UBA2: variants seen among roughly 807,000 people sequenced by gnomAD.
UBA2 encodes the protein ubiquitin like modifier activating enzyme 2.
A neutral mutation model predicts 77.2 loss-of-function variants in UBA2; 11 were observed. That is an observed-to-expected ratio of 0.14 (90% CI 0.09 to 0.24). The LOEUF is 0.24. Ranked by LOEUF, UBA2 falls within the 10% of genes least tolerant of loss-of-function variation. UBA2 has a pLI of 1.00. For missense variants in UBA2, 487 were observed against 781.7 expected, an observed-to-expected ratio of 0.62 and a Z score of 4.50; for synonymous variants, 278 against 276.7, an observed-to-expected ratio of 1.00 and a Z score of -0.05.
At chr19:34,428,753 A>C (rs1328178397) in intron 1 of UBA2, 183 bp downstream of exon 1, 4 of 1,125,198 alleles carry the variant, frequency 3.6e-6, no homozygotes, top group African/African-American at 3.2e-5. Context: ...TTCTTTGGGC[A>C]CGGGGCGGGC....
At chr19:34,437,881 C>T (rs1025990905) in intron 5 of UBA2, among the ~76,000 whole-genome samples, 2 of 151,936 alleles carry the variant, frequency 1.3e-5, no homozygotes, top group Admixed American at 6.6e-5. Context: ...ATGGAAAAAC[C>T]CCGTCTCTAC....
intron 12 of UBA2, among the ~76,000 whole-genome samples, chr19:34,457,912 A>G (rs2145555697): frequency 6.6e-6 from 1 of 152,330 alleles, no homozygotes; most frequent in South Asian, 2.1e-4. Context: ...GTATTAGAGA[A>G]ATGGTAAATA....
intron 8 of UBA2, among the ~76,000 whole-genome samples, chr19:34,449,741 T>C (rs751456545): frequency 1.3e-5 from 2 of 152,174 alleles, no homozygotes; most frequent in Non-Finnish European, 1.5e-5. Context: ...TTCTGTGGGT[T>C]ATTTTTGGAG....
intron 3 of UBA2, chr19:34,432,153 C>G (rs1454055094): frequency 3.0e-6 from 1 of 336,756 alleles, no homozygotes; most frequent in Non-Finnish European, 5.3e-6. Flanking sequence ...AAATAAGTTA[C>G]TTGGAAATTT....
intron 12 of UBA2, among the ~76,000 whole-genome samples, chr19:34,457,214 A>ATATATATATATATATATATATATATATAT (rs2075578002): frequency 7.4e-6 from 1 of 134,558 alleles, no homozygotes; most frequent in African/African-American, 2.9e-5. Context: ...ATATATATAT[A>ATATATATATATATATATATATATATATAT]AAATTAGCTG....
At chr19:34,450,407 A>G (rs2145534797) in intron 9 of UBA2, 43 bp downstream of exon 9, 1 of 1,400,550 alleles carries the variant, frequency 7.1e-7, no homozygotes, top group South Asian at 1.3e-5. Flanking sequence ...AGCTGGAAAT[A>G]TCCTCGCGTA....
chr19:34,433,724 C>A (rs1462072996), intron 4 of UBA2, among the ~76,000 whole-genome samples: 2 of 152,140 alleles, frequency 1.3e-5, no homozygotes, highest in Non-Finnish European at 2.9e-5. Flanking sequence ...CTTTGAGAGA[C>A]CAAGGCAGGA....
Position 34,458,819 on chromosome 19 carries a change from T to C in UBA2, c.1296T>C (p.Cys432=). Residue 432 remains cysteine, a synonymous_variant, in exon 13 of 17, where the codon TGT becomes TGC. Coordinates refer to ENST00000246548, the MANE Select transcript of UBA2 (RefSeq NM_005499.3). ...PNPRKKLLVP[C]ALDPPNPNCY... ...CAAGAAAGAAGCTTCTTGTGCCTTG[T>C]GCACTGGATCCTCCCAACCCCAATT... 1.2e-6 allele frequency: 2 copies of C among 1,614,086 alleles called. No individual in the cohort carries two copies. Among genetic ancestry groups the C allele is most frequent in the Non-Finnish European group, 1.7e-6 (2 of 1,179,994 alleles).
intron 14 of UBA2, among the ~76,000 whole-genome samples, chr19:34,463,484 C>T (rs2075654311): frequency 6.6e-6 from 1 of 152,176 alleles, no homozygotes; most frequent in African/African-American, 2.4e-5. Flanking sequence ...TAAAACCTCT[C>T]TCCTTTGCTT....
chr19:34,446,849 G>T (rs1325555374), intron 8 of UBA2, among the ~76,000 whole-genome samples: 1 of 151,924 alleles, frequency 6.6e-6, no homozygotes, highest in East Asian at 1.9e-4. Context: ...CAGGTGATCT[G>T]CCTGCCTCGG....
chr19:34,459,485 A>G (rs2075607773), intron 13 of UBA2, among the ~76,000 whole-genome samples: 1 of 152,154 alleles, frequency 6.6e-6, no homozygotes. Flanking sequence ...CTTATCTAAT[A>G]TGACCTGATT....
In UBA2 at chr19:34,469,259, G is replaced by C; in HGVS notation, c.*38G>C. On this transcript the variant is annotated 3_prime_UTR_variant, in exon 17 of 17. Transcript: ENST00000246548. Reference sequence around the variant, plus strand: ...CTAAACAGAACCCTCTTACTATTTAGTTTATCTGGGCAGAACCAGATTGTT... The same window carrying C: ...CTAAACAGAACCCTCTTACTATTTACTTTATCTGGGCAGAACCAGATTGTT... 6.7e-7 allele frequency: 1 copy of C among 1,494,238 alleles called. No individual in the cohort carries two copies. Among genetic ancestry groups the C allele is most frequent in the Non-Finnish European group, 8.9e-7 (1 of 1,126,888 alleles). The allele number at this position is 1,494,238 out of a possible 1,614,324, so 92.6% of individuals were successfully genotyped here.
intron 9 of UBA2, among the ~76,000 whole-genome samples, chr19:34,451,124 C>G (rs1390614861): frequency 6.6e-6 from 1 of 152,094 alleles, no homozygotes; most frequent in African/African-American, 2.4e-5. Flanking sequence ...CCCTCAGTCT[C>G]CTGAGTAGCT....
intron 5 of UBA2, among the ~76,000 whole-genome samples, chr19:34,435,886 C>T (rs1485462933): frequency 2.0e-5 from 3 of 151,096 alleles, no homozygotes; most frequent in Admixed American, 1.3e-4. Context: ...TTTGGGAACC[C>T]GAAGCGAGCG....
At chr19:34,450,803 C>T (rs191744589) in intron 9 of UBA2, among the ~76,000 whole-genome samples, 1 of 137,522 alleles carries the variant, frequency 7.3e-6, no homozygotes, top group East Asian at 2.1e-4. Flanking sequence ...GGCTGGAGCG[C>T]AGTGGCACGA....
At chr19:34,466,446 C>T (rs1169925421) in intron 15 of UBA2, among the ~76,000 whole-genome samples, 1 of 152,088 alleles carries the variant, frequency 6.6e-6, no homozygotes, top group African/African-American at 2.4e-5. Flanking sequence ...AGCTTTGGAC[C>T]CAGTTTTATG....
intron 9 of UBA2, among the ~76,000 whole-genome samples, chr19:34,451,658 C>T (rs902322032): frequency 2.7e-5 from 4 of 148,750 alleles, no homozygotes; most frequent in South Asian, 2.1e-4. Context: ...CGCCATTCTC[C>T]TGCCTCAGCC....
chr19:34,468,903 G>A, intron 16 of UBA2, 137 bp from the exon 17 acceptor site: 1 of 617,428 alleles, frequency 1.6e-6, no homozygotes, highest in South Asian at 3.1e-5. Context: ...AATACGTAAT[G>A]TGTAAAGTGA....
chr19:34,435,459 G>A (rs992651762), intron 5 of UBA2, among the ~76,000 whole-genome samples: 1 of 152,178 alleles, frequency 6.6e-6, no homozygotes, highest in Non-Finnish European at 1.5e-5. Context: ...AAATCTTTCA[G>A]CTCTGCCATT....
Sources: allele counts gnomAD v4.1 joint callset (sites outside exome capture counted in the v4.1 genomes callset), GRCh38; gene constraint gnomAD v4.1.1; transcripts MANE v1.5; gene names NCBI Gene and HGNC (gene_info 2026-07-23, HGNC 2026-07-21).